TICAM1: variants seen among roughly 807,000 people sequenced by gnomAD.
The protein encoded by TICAM1 is TIR domain-containing adapter molecule 1.
For missense variants in TICAM1, 895 were observed against 938.2 expected, an observed-to-expected ratio of 0.95 and a Z score of 0.60; for synonymous variants, 439 against 415.4, an observed-to-expected ratio of 1.06 and a Z score of -0.69.
chr19:4,827,207 C>G (rs147833731), intron 1 of TICAM1, among the ~76,000 whole-genome samples: 6 of 150,384 alleles, frequency 4.0e-5, no homozygotes, highest in Non-Finnish European at 7.4e-5. Context: ...AAAAATTAGC[C>G]GGGCATGGTG....
At position 4,816,959 on chromosome 19, in the gene TICAM1, C is replaced by T. The variant is rs201878837; in HGVS notation, c.1419G>A (p.Met473Ile). The T allele has an allele frequency of 6.2e-7, 1 of 1,614,092 alleles. No homozygotes were observed. The highest frequency in any genetic ancestry group is 2.2e-5 in the East Asian group (1 of 44,866). ...ACCCCTGTCGCGTGAGGTTGCTCAT[C>T]ATGGCTTGGTTCACCTGGTGCAGGC... ...RLSLHQVNQA[M>I]MSNLTRQGSP... Residue 473 changes from methionine to isoleucine, a missense_variant, in exon 2 of 2, where the codon ATG (methionine) becomes ATA (isoleucine). By Grantham distance (10) the Met-to-Ile change is conservative. Coordinates refer to ENST00000248244, the MANE Select transcript of TICAM1 (RefSeq NM_182919.4). The surrounding 1 kb of genome is among the most constrained non-coding windows in gnomAD (Gnocchi z 4.3).
chr19:4,816,942 C>A lies in TICAM1; in HGVS notation c.1436G>T (p.Arg479Leu), dbSNP rs752524876. 1 of 1,613,976 alleles carries A rather than the reference C, an allele frequency of 6.2e-7. No homozygotes were observed. The highest frequency in any genetic ancestry group is 1.1e-5 in the South Asian group (1 of 91,078). The change falls in exon 2 of 2, where the codon CGA becomes CTA. Residue 479 changes from arginine to leucine, a missense_variant. Coordinates refer to ENST00000248244, the MANE Select transcript of TICAM1 (RefSeq NM_182919.4). This position sits in a 1 kb window ranked among gnomAD's most constrained non-coding sequence, Gnocchi z 4.3. ...GATGACACAGTCTGGCGACCCCTGT[C>A]GCGTGAGGTTGCTCATCATGGCTTG... ...VNQAMMSNLT[R>L]QGSPDCVIPF...
In TICAM1 at chr19:4,818,490, G is replaced by T; in HGVS notation, c.-113C>A. On this transcript the variant is annotated 5_prime_UTR_variant, in exon 2 of 2. It adds an upstream start codon to the 5' untranslated region. Coordinates refer to ENST00000248244, the MANE Select transcript of TICAM1 (RefSeq NM_182919.4). This position sits in a 1 kb window ranked among gnomAD's most constrained non-coding sequence, Gnocchi z 4.0. ...TGTCCCCTACCCATTCACTGTTCCA[G>T]GTTCTGCAGGAGCTGCCCAAGCAGA... is the stretch of plus-strand genomic sequence containing the variant. 3 of 1,442,656 alleles carry T rather than the reference G, an allele frequency of 2.1e-6. No individual in the cohort carries two copies. The highest frequency in any genetic ancestry group is 2.4e-4 in the Middle Eastern group (1 of 4,214). 89.4% of individuals were successfully genotyped at this position (1,442,656 alleles called of 1,614,324 possible). A position where few individuals can be genotyped will look rare whatever the true frequency, so the allele number is the denominator to read the frequency against.
rs2093613832 is a variant in TICAM1 at position 4,831,627 on chromosome 19, C to G, written c.-153G>C. Reference sequence around the variant, plus strand: ...TTCCCCACCTACCAGGGATCCGGGGCTGCCGGCTGCGCCACTGGGTCCTGG... The same window carrying G: ...TTCCCCACCTACCAGGGATCCGGGGGTGCCGGCTGCGCCACTGGGTCCTGG... On this transcript the variant is annotated 5_prime_UTR_variant, in exon 1 of 2. Transcript: ENST00000248244. 6.6e-6 allele frequency: 1 copy of G among 152,582 alleles called. No homozygotes were observed. Among genetic ancestry groups the G allele is most frequent in the African/African-American group, 2.4e-5 (1 of 41,446 alleles). The allele number at this position is 152,582 out of a possible 1,614,324, so 9.5% of individuals were successfully genotyped here. A position where few individuals can be genotyped will look rare whatever the true frequency, so the allele number is the denominator to read the frequency against.
chr19:4,821,623 G>A (rs1020045748), intron 1 of TICAM1, among the ~76,000 whole-genome samples: 2 of 150,388 alleles, frequency 1.3e-5, no homozygotes, highest in Non-Finnish European at 2.9e-5. Context: ...CTTTGACAGG[G>A]GCCACAAAAT....
In TICAM1 at chr19:4,818,283, G is replaced by A. The variant is rs79591246; in HGVS notation, c.95C>T (p.Thr32Ile). ...KLLYLKHKLK[T>I]PRPGCQGQDL... is the part of the protein sequence containing the mutation. ...CTGCCCCTGGCAGCCTGGGCGTGGGGTCTTCAGTTTGTGCTTCAGATACAA... is the reference window on the plus strand; with the variant it reads ...CTGCCCCTGGCAGCCTGGGCGTGGGATCTTCAGTTTGTGCTTCAGATACAA... Residue 32 changes from threonine to isoleucine, a missense_variant, in exon 2 of 2, where the codon ACC becomes ATC. By Grantham distance (89) the Thr-to-Ile change is moderately conservative. Coordinates refer to ENST00000248244, the MANE Select transcript of TICAM1 (RefSeq NM_182919.4). This position sits in a 1 kb window ranked among gnomAD's most constrained non-coding sequence, Gnocchi z 4.0. 2,359 of 1,612,904 alleles carry A rather than the reference G, an allele frequency of 1.5e-3. 50 individuals carry two copies. The East Asian group carries it at 0.042, about 28-fold the overall frequency.
At position 4,816,344 on chromosome 19, in the gene TICAM1, G is replaced by A. The variant is rs751074807; in HGVS notation, c.2034C>T (p.Pro678=). The A allele has an allele frequency of 4.8e-5, 76 of 1,585,228 alleles. No homozygotes were observed. The highest frequency in any genetic ancestry group is 6.0e-5 in the Non-Finnish European group (70 of 1,166,748). The change falls in exon 2 of 2, where the codon CCC becomes CCT. Residue 678 remains proline, a synonymous_variant. Transcript: ENST00000248244. The surrounding 1 kb of genome is among the most constrained non-coding windows in gnomAD (Gnocchi z 4.3). ...PAPPQSPGLQ[P]LIIHHAQMVQ... ...CCATCTGTGCGTGGTGGATAATGAGGGGTTGCAGCCCTGGGCTCTGAGGGG... is the reference window on the plus strand; with the variant it reads ...CCATCTGTGCGTGGTGGATAATGAGAGGTTGCAGCCCTGGGCTCTGAGGGG...
chr19:4,830,007 C>T (rs576497654), intron 1 of TICAM1, among the ~76,000 whole-genome samples: 3 of 150,664 alleles, frequency 2.0e-5, no homozygotes, highest in East Asian at 1.9e-4. Context: ...GACAGGGTTT[C>T]GCCATGTTGG....
At chr19:4,827,690 G>A (rs538964622) in intron 1 of TICAM1, among the ~76,000 whole-genome samples, 2 of 151,442 alleles carry the variant, frequency 1.3e-5, no homozygotes, top group South Asian at 2.1e-4. Flanking sequence ...CCTGGGAGGC[G>A]GAGCTTGCAG....
At position 4,819,011 on chromosome 19, in the gene TICAM1, T is replaced by C. The variant is rs1345322743; in HGVS notation, c.-139-495A>G. On this transcript the variant is annotated intron_variant, in intron 1 of 1. Transcript: ENST00000248244. ...TTGTAATCCCAGCTACTTGGGAAAC[T>C]GAGGCAGGAGAATCGCTTGAACACA... Among the ~76,000 whole-genome samples, 5 of 152,128 alleles carry C rather than the reference T, an allele frequency of 3.3e-5. No individual in the cohort carries two copies. The East Asian group carries it at 9.6e-4, about 29-fold the overall frequency.
chr19:4,827,372 CAAAAAAAAAAAAAAAAAA>C (rs57574607), intron 1 of TICAM1, among the ~76,000 whole-genome samples: 5 of 54,146 alleles, frequency 9.2e-5, no homozygotes, highest in South Asian at 8.6e-4. Context: ...ACTCTGTCTC[CAAAAAAAAAAAAAAAAAA>C]AAAAAAAAAA....
intron 1 of TICAM1, among the ~76,000 whole-genome samples, chr19:4,820,208 C>G (rs1393742202): frequency 6.6e-6 from 1 of 151,872 alleles, no homozygotes; most frequent in Non-Finnish European, 1.5e-5. Flanking sequence ...ATCACGAGAT[C>G]AGGAGGTCGA....
At position 4,818,365 on chromosome 19, in the gene TICAM1, C is replaced by T; in HGVS notation, c.13G>A (p.Gly5Ser). Residue 5 changes from glycine (G) to serine (S), a missense_variant, in exon 2 of 2, where the codon GGC (glycine) becomes AGC (serine). Transcript: ENST00000248244. The surrounding 1 kb of genome is among the most constrained non-coding windows in gnomAD (Gnocchi z 4.0). MACT[G>S]PSLPSAFDIL... is the part of the protein sequence containing the mutation. ...TCGAAGGCGCTAGGAAGTGATGGGC[C>T]TGTGCAGGCCATGGGCACAGGTGGG... is the stretch of plus-strand genomic sequence containing the variant. The T allele has an allele frequency of 6.3e-7, 1 of 1,599,546 alleles. No individual in the cohort carries two copies. The highest frequency in any genetic ancestry group is 8.5e-7 in the Non-Finnish European group (1 of 1,173,024).
intron 1 of TICAM1, among the ~76,000 whole-genome samples, chr19:4,825,136 C>T (rs1022580332): frequency 3.3e-5 from 5 of 151,752 alleles, no homozygotes; most frequent in African/African-American, 4.8e-5. Flanking sequence ...AAAAATTAGC[C>T]GGGTGTGGCA....
In TICAM1 at chr19:4,815,997, A is replaced by C. The variant is rs2093584001; in HGVS notation, c.*242T>G. Reference sequence around the variant, plus strand: ...AATACCCCCACCACCAAGACCCTTCACCCAGAAATAGAGAGATTGGAATTG... The same window carrying C: ...AATACCCCCACCACCAAGACCCTTCCCCCAGAAATAGAGAGATTGGAATTG... On this transcript the variant is annotated 3_prime_UTR_variant, in exon 2 of 2. Transcript: ENST00000248244. The C allele has an allele frequency of 2.3e-6, 1 of 430,146 alleles. No individual in the cohort carries two copies. The highest frequency in any genetic ancestry group is 2.0e-5 in the African/African-American group (1 of 49,172). 26.6% of individuals were successfully genotyped at this position (430,146 alleles called of 1,614,324 possible).
intron 1 of TICAM1, among the ~76,000 whole-genome samples, chr19:4,823,811 G>C (rs539893205): frequency 5.3e-4 from 80 of 152,244 alleles, no homozygotes; most frequent in Admixed American, 5.2e-4. Context: ...AACTGTGAGA[G>C]AATAAATTTC....
chr19:4,825,001 C>T (rs757793450), intron 1 of TICAM1, among the ~76,000 whole-genome samples: 13 of 151,764 alleles, frequency 8.6e-5, no homozygotes, highest in Non-Finnish European at 1.6e-4. Context: ...AGAGGAGGGT[C>T]GGGAGCGGTG....
rs114566317 is a variant in TICAM1 at position 4,818,367 on chromosome 19, G to A, written c.11C>T (p.Thr4Ile). 2.4e-4 allele frequency: 380 copies of A among 1,595,302 alleles called. 1 individual carries two copies. The African/African-American group carries it at 4.2e-3, about 17-fold the overall frequency. Residue 4 changes from threonine to isoleucine, a missense_variant, in exon 2 of 2, where the codon ACA (threonine) becomes ATA (isoleucine). Physicochemically the swap from Thr to Ile is moderately conservative, Grantham distance 89. Transcript: ENST00000248244. The surrounding 1 kb of genome is among the most constrained non-coding windows in gnomAD (Gnocchi z 4.0). The stretch of plus-strand genomic sequence containing the variant: ...GAAGGCGCTAGGAAGTGATGGGCCT[G>A]TGCAGGCCATGGGCACAGGTGGGTG... MAC[T>I]GPSLPSAFDI...
At position 4,816,496 on chromosome 19, in the gene TICAM1, G is replaced by A. The variant is rs3177471; in HGVS notation, c.1882C>T (p.Pro628Ser). The A allele has an allele frequency of 1.4e-4, 221 of 1,575,416 alleles. No homozygotes were observed. Among genetic ancestry groups the A allele is most frequent in the Non-Finnish European group, 1.4e-4 (166 of 1,162,732 alleles). ...CATGCGTGCAGGGGTGGCGGCTGCGGGCACCCCGGCCAAGTGGGAAAGGGT... is the reference window on the plus strand; with the variant it reads ...CATGCGTGCAGGGGTGGCGGCTGCGAGCACCCCGGCCAAGTGGGAAAGGGT... ...PPPFPTWPGC[P>S]QPPPLHAWQA... Residue 628 changes from proline (P) to serine (S), a missense_variant, in exon 2 of 2, where the codon CCG (proline) becomes TCG (serine). Pro to Ser is a moderately conservative substitution (Grantham distance 74). Coordinates refer to ENST00000248244, the MANE Select transcript of TICAM1 (RefSeq NM_182919.4). The surrounding 1 kb of genome is among the most constrained non-coding windows in gnomAD (Gnocchi z 4.3).
Sources: allele counts gnomAD v4.1 joint callset (sites outside exome capture counted in the v4.1 genomes callset), GRCh38; gene constraint gnomAD v4.1.1; non-coding constraint Gnocchi (gnomAD v3.1); transcripts MANE v1.5; gene names NCBI Gene and HGNC (gene_info 2026-07-23, HGNC 2026-07-21).